The following DPP10 variants were observed in gnomAD, a reference collection of about 807,000 sequenced individuals.
DPP10 encodes inactive dipeptidyl peptidase 10.
DPP10 carries 33 observed loss-of-function variants against 120.9 expected under a neutral mutation model. That is an observed-to-expected ratio of 0.27 (90% confidence interval 0.21 to 0.37). DPP10 has a LOEUF of 0.37. Ranked by LOEUF, DPP10 falls within the 10% of genes least tolerant of loss-of-function variation. The probability of loss-of-function intolerance (pLI) is 1.00; values close to 1 mark genes in which losing one functional copy is unlikely to be tolerated. For missense variants in DPP10, 816 were observed against 942.8 expected (o/e 0.87, Z 1.76); for synonymous variants, 337 against 326.1 (o/e 1.03, Z -0.36).
Position 114,532,256 on chromosome 2 carries a change from C to CATATATATATATATATAT in DPP10, c.60+89442_60+89459dup, listed in dbSNP as rs66716319. On this transcript the variant is annotated intron_variant, in intron 1 of 25. Transcript: ENST00000410059. The stretch of plus-strand genomic sequence containing the variant: ...CGAGCCAATTCCCATAATAAATCTC[C>CATATATATATATATATAT]ATATATATATATATATATATATATA... Among the ~76,000 whole-genome samples, 55 of 86,212 alleles carry CATATATATATATATATAT rather than the reference C, an allele frequency of 6.4e-4. 1 individual carries two copies. The highest frequency in any genetic ancestry group is 8.5e-4 in the Non-Finnish European group (39 of 45,772). The allele number at this position is 86,212 out of a possible 152,430, so 56.6% of individuals were successfully genotyped here.
intron 7 of DPP10, among the ~76,000 whole-genome samples, chr2:115,699,300 A>G (rs997155857): frequency 1.6e-4 from 24 of 152,198 alleles, no homozygotes; most frequent in African/African-American, 5.8e-4. Context: ...GGCCAAAAAC[A>G]TTCTGGAACT....
At chr2:114,899,397 A>G (rs1240822102) in intron 1 of DPP10, among the ~76,000 whole-genome samples, 2 of 152,156 alleles carry the variant, frequency 1.3e-5, no homozygotes, top group South Asian at 2.1e-4. Flanking sequence ...ACTATCACAT[A>G]TAACTAGAAA....
intron 5 of DPP10, among the ~76,000 whole-genome samples, chr2:115,557,991 T>C (rs2080323888): frequency 6.6e-6 from 1 of 152,228 alleles, no homozygotes; most frequent in African/African-American, 2.4e-5. Context: ...CCTTATCATC[T>C]CTGGGAACTT....
chr2:115,547,737 C>T (rs1410212346), intron 5 of DPP10, among the ~76,000 whole-genome samples: 1 of 150,506 alleles, frequency 6.6e-6, no homozygotes, highest in Admixed American at 6.6e-5. Context: ...TGAACTCCAG[C>T]CTAGGCAACA....
At chr2:115,597,541 A>T (rs180724274) in intron 5 of DPP10, among the ~76,000 whole-genome samples, 3,444 of 115,606 alleles carry the variant, frequency 0.03, 64 homozygotes, top group Non-Finnish European at 0.042. Flanking sequence ...ATATATATAC[A>T]CACACATTTA....
intron 1 of DPP10, among the ~76,000 whole-genome samples, chr2:115,059,597 T>A (rs1047407842): frequency 6.8e-6 from 1 of 147,752 alleles, no homozygotes; most frequent in African/African-American, 2.5e-5. Context: ...CATTCAGAAT[T>A]AACCTCAGTT....
At chr2:115,478,682 T>C (rs909526734) in intron 3 of DPP10, among the ~76,000 whole-genome samples, 3 of 152,054 alleles carry the variant, frequency 2.0e-5, no homozygotes, top group Admixed American at 2.0e-4. Flanking sequence ...CCAGAACATA[T>C]AGAAAATGCC....
chr2:114,682,309 A>G (rs1387728144), intron 1 of DPP10, among the ~76,000 whole-genome samples: 2 of 151,954 alleles, frequency 1.3e-5, no homozygotes, highest in Admixed American at 1.3e-4. Context: ...TCAGACTGAC[A>G]TACATCTTCC....
chr2:115,590,241 A>G (rs917620563), intron 5 of DPP10, among the ~76,000 whole-genome samples: 3 of 151,018 alleles, frequency 2.0e-5, no homozygotes, highest in African/African-American at 7.3e-5. Flanking sequence ...ATATGTATAC[A>G]TGTGCCATGT....
chr2:114,649,478 A>G (rs1337609998), intron 1 of DPP10, among the ~76,000 whole-genome samples: 1 of 151,762 alleles, frequency 6.6e-6, no homozygotes, highest in Non-Finnish European at 1.5e-5. Flanking sequence ...TCTCCCGAGT[A>G]GCTGGGACTA....
chr2:114,553,256 G>A (rs377556035), intron 1 of DPP10, among the ~76,000 whole-genome samples: 1 of 152,114 alleles, frequency 6.6e-6, no homozygotes, highest in Non-Finnish European at 1.5e-5. Context: ...AGCTTCTCCC[G>A]CTGTACCTTC....
In DPP10 at chr2:115,143,871, A is replaced by G. The variant is rs186661298; in HGVS notation, c.61-165368A>G. ...GCAATCTCAGATGCAGCCTCTGCCA[A>G]TCTCGAGATTCCTTCTGCCAGATCT... On this transcript the variant is annotated intron_variant, in intron 1 of 25. Transcript: ENST00000410059. Among the ~76,000 whole-genome samples the G allele has an allele frequency of 9.2e-4, 140 of 152,332 alleles. 5 individuals carry two copies. Among genetic ancestry groups the G allele is most frequent in the African/African-American group, 3.1e-3 (128 of 41,588 alleles).
chr2:115,823,045 A>G (rs952463351), intron 21 of DPP10, among the ~76,000 whole-genome samples: 3 of 151,952 alleles, frequency 2.0e-5, no homozygotes, highest in Non-Finnish European at 4.4e-5. Context: ...ATTATCTGAT[A>G]TTTTACATCT....
chr2:114,497,955 G>A (rs553532922), intron 1 of DPP10, among the ~76,000 whole-genome samples: 3 of 152,164 alleles, frequency 2.0e-5, no homozygotes, highest in African/African-American at 4.8e-5. Context: ...CTGTACTTCC[G>A]GTCTTCACTC....
intron 1 of DPP10, among the ~76,000 whole-genome samples, chr2:114,482,884 C>A (rs1442785015): frequency 5.9e-5 from 9 of 152,158 alleles, no homozygotes; most frequent in Non-Finnish European, 1.0e-4. Context: ...ACTTCAGTCA[C>A]CAAGTTCACT....
intron 1 of DPP10, among the ~76,000 whole-genome samples, chr2:114,588,917 T>C (rs1008812676): frequency 6.6e-6 from 1 of 151,386 alleles, no homozygotes; most frequent in Non-Finnish European, 1.5e-5. Flanking sequence ...TTGCGTTCTA[T>C]AGAAGTAGGA....
chr2:114,935,863 G>GA (rs1696422040), intron 1 of DPP10, among the ~76,000 whole-genome samples: 1 of 146,044 alleles, frequency 6.8e-6, no homozygotes, highest in East Asian at 2.0e-4. Flanking sequence ...AAAACTGAAG[G>GA]TTTTTTTTTT....
intron 1 of DPP10, among the ~76,000 whole-genome samples, chr2:115,112,846 C>T (rs900906294): frequency 5.3e-5 from 8 of 152,158 alleles, no homozygotes; most frequent in Admixed American, 4.6e-4. Context: ...TTTATGAATA[C>T]AAGTGCTTGC....
At chr2:114,758,560 T>C (rs1680000020) in intron 1 of DPP10, among the ~76,000 whole-genome samples, 1 of 152,198 alleles carries the variant, frequency 6.6e-6, no homozygotes, top group Non-Finnish European at 1.5e-5. Flanking sequence ...GACATTGTAA[T>C]AGTATTAATC....
Sources: gnomAD v4.1 joint callset for allele counts (sites outside exome capture counted in the v4.1 genomes callset) on GRCh38, gnomAD v4.1.1 for gene constraint, MANE v1.5 for transcripts, NCBI Gene and HGNC (gene_info 2026-07-23, HGNC 2026-07-21) for gene names.